MDGA2: variants seen among roughly 807,000 people sequenced by gnomAD.
MDGA2 encodes MAM domain containing glycosylphosphatidylinositol anchor 2.
MDGA2 carries 40 observed loss-of-function variants against 117.8 expected under a neutral mutation model. That is an observed-to-expected ratio of 0.34 (90% CI 0.26 to 0.44). The LOEUF is 0.44. Ranked by LOEUF, MDGA2 falls within the 20% of genes least tolerant of loss-of-function variation. MDGA2 has a pLI of 1.00. For synonymous variants in MDGA2, 452 were observed against 439.0 expected (o/e 1.03, Z -0.37); for missense variants, 1,123 against 1,250.6 (o/e 0.90, Z 1.54).
chr14:47,323,727 G>A (rs1176729433), intron 1 of MDGA2, among the ~76,000 whole-genome samples: 1 of 150,298 alleles, frequency 6.7e-6, no homozygotes, highest in Non-Finnish European at 1.5e-5. Flanking sequence ...CAACTGGAAT[G>A]ACGTCTTCAG....
At chr14:47,463,402 C>G (rs1028856661) in intron 1 of MDGA2, among the ~76,000 whole-genome samples, 3 of 151,722 alleles carry the variant, frequency 2.0e-5, no homozygotes, top group African/African-American at 7.3e-5. Flanking sequence ...CACAGACATA[C>G]AAAAAATAAA....
At chr14:47,360,431 A>T (rs972987682) in intron 1 of MDGA2, among the ~76,000 whole-genome samples, 8 of 151,786 alleles carry the variant, frequency 5.3e-5, no homozygotes, top group Middle Eastern at 3.4e-3. Context: ...AAGGATCTGA[A>T]TAGACATTTC....
At chr14:47,037,990 T>C (rs2138662005) in intron 7 of MDGA2, among the ~76,000 whole-genome samples, 1 of 152,262 alleles carries the variant, frequency 6.6e-6, no homozygotes, top group South Asian at 2.1e-4. Flanking sequence ...GGTGCAGTGG[T>C]GCAATCTCTG....
intron 2 of MDGA2, among the ~76,000 whole-genome samples, chr14:47,287,697 G>A (rs918903007): frequency 2.0e-5 from 3 of 152,088 alleles, no homozygotes; most frequent in African/African-American, 7.2e-5. Flanking sequence ...ATATGTTACA[G>A]GTTGATTATG....
At chr14:46,850,529 G>C (rs908723408) in intron 15 of MDGA2, among the ~76,000 whole-genome samples, 1 of 151,776 alleles carries the variant, frequency 6.6e-6, no homozygotes, top group Non-Finnish European at 1.5e-5. Context: ...TTTGAAAATT[G>C]ACAGTATATG....
At chr14:47,668,514 A>G (rs1266921632) in intron 1 of MDGA2, among the ~76,000 whole-genome samples, 1 of 152,176 alleles carries the variant, frequency 6.6e-6, no homozygotes, top group East Asian at 1.9e-4. Context: ...CCACTTTATG[A>G]TTTTACAGGG....
chr14:47,133,320 AGAAAGAACAGTT>A (rs1882301321), intron 4 of MDGA2, among the ~76,000 whole-genome samples: 1 of 152,056 alleles, frequency 6.6e-6, no homozygotes, highest in African/African-American at 2.4e-5. Context: ...GGGCTTAGCT[AGAAAGAACAGTT>A]GAAAGAAAAT....
chr14:47,202,820 C>T (rs1885556921), intron 3 of MDGA2, among the ~76,000 whole-genome samples: 1 of 149,260 alleles, frequency 6.7e-6, no homozygotes, highest in Non-Finnish European at 1.5e-5. Context: ...CTCTAATGAC[C>T]TTAATGCCCA....
At chr14:47,598,663 T>C (rs1477728864) in intron 1 of MDGA2, among the ~76,000 whole-genome samples, 1 of 151,988 alleles carries the variant, frequency 6.6e-6, no homozygotes, top group Non-Finnish European at 1.5e-5. Context: ...AACCAAAGGC[T>C]AGGAGGAAAA....
At chr14:47,388,586 A>G (rs1229760282) in intron 1 of MDGA2, among the ~76,000 whole-genome samples, 3 of 152,134 alleles carry the variant, frequency 2.0e-5, no homozygotes. Flanking sequence ...TACTTGACCA[A>G]GTCAGATTCT....
intron 1 of MDGA2, among the ~76,000 whole-genome samples, chr14:47,444,933 C>T (rs1448916539): frequency 6.6e-6 from 1 of 152,104 alleles, no homozygotes; most frequent in Non-Finnish European, 1.5e-5. Context: ...ATACCTACTT[C>T]TAAGGACTAT....
chr14:46,895,711 A>C (rs1883049507), intron 10 of MDGA2, among the ~76,000 whole-genome samples: 1 of 151,880 alleles, frequency 6.6e-6, no homozygotes, highest in African/African-American at 2.4e-5. Flanking sequence ...TGGGCGACAG[A>C]GCAAGACCCT....
chr14:47,253,274 C>A (rs994583515), intron 2 of MDGA2, among the ~76,000 whole-genome samples: 2 of 152,138 alleles, frequency 1.3e-5, no homozygotes, highest in Non-Finnish European at 2.9e-5. Flanking sequence ...CAGCATTAAC[C>A]CAAAAGTCCA....
intron 1 of MDGA2, among the ~76,000 whole-genome samples, chr14:47,630,840 A>T (rs1897240802): frequency 6.6e-6 from 1 of 152,210 alleles, no homozygotes; most frequent in South Asian, 2.1e-4. Context: ...ACAAAAAACA[A>T]CACAGTCAAT....
chr14:47,174,465 A>C (rs1483031253), intron 3 of MDGA2, among the ~76,000 whole-genome samples: 2 of 152,198 alleles, frequency 1.3e-5, no homozygotes, highest in African/African-American at 4.8e-5. Context: ...ACCACAGTGC[A>C]ATCAAACTAG....
At chr14:46,996,874 G>T in intron 8 of MDGA2, 1 of 286,628 alleles carries the variant, frequency 3.5e-6, no homozygotes, top group Non-Finnish European at 6.7e-6. Flanking sequence ...TCTGGAAGTA[G>T]CCAATGCATA....
intron 3 of MDGA2, among the ~76,000 whole-genome samples, chr14:47,212,878 G>A (rs944460518): frequency 1.3e-5 from 2 of 152,146 alleles, no homozygotes; most frequent in East Asian, 1.9e-4. Flanking sequence ...AGATTTCCAT[G>A]AGAATTTGTC....
At chr14:46,953,099 G>C (rs1173155996) in intron 9 of MDGA2, among the ~76,000 whole-genome samples, 7 of 151,858 alleles carry the variant, frequency 4.6e-5, no homozygotes, top group Non-Finnish European at 7.4e-5. Flanking sequence ...CTATGCAAAT[G>C]TAAAACTGGC....
chr14:47,273,312 T>C (rs1253037088), intron 2 of MDGA2, among the ~76,000 whole-genome samples: 1 of 152,292 alleles, frequency 6.6e-6, no homozygotes, highest in East Asian at 1.9e-4. Context: ...GACAGTGGAA[T>C]CTTTCAGTAA....
Sources: allele counts gnomAD v4.1 joint callset (sites outside exome capture counted in the v4.1 genomes callset), GRCh38; gene constraint gnomAD v4.1.1; transcripts MANE v1.5; gene names NCBI Gene and HGNC (gene_info 2026-07-23, HGNC 2026-07-21).